Variants in ZNF652 observed in about 807,000 individuals in gnomAD.
ZNF652 encodes zinc finger protein 652.
A neutral mutation model predicts 45.2 loss-of-function variants in ZNF652; 16 were observed. The ratio of observed to expected loss-of-function variants is 0.35; its 90% CI spans 0.24 to 0.54. ZNF652 has a LOEUF of 0.54. Among genes scored for constraint, ZNF652 ranks in the 20% least tolerant of loss-of-function variants. ZNF652 has a pLI of 0.91. For missense variants in ZNF652, 614 were observed against 765.6 expected (o/e 0.80, Z 2.34); for synonymous variants, 250 against 260.6 (o/e 0.96, Z 0.39).
intron 1 of ZNF652, among the ~76,000 whole-genome samples, chr17:49,356,997 T>TTA (rs367545146): frequency 7.2e-6 from 1 of 138,710 alleles, no homozygotes; most frequent in Non-Finnish European, 1.6e-5. Flanking sequence ...AACTATGTTT[T>TTA]AAAAAAAAAA....
intron 2 of ZNF652, 123 bp from the exon 3 acceptor site, chr17:49,312,968 T>C (rs2069738248): frequency 3.3e-6 from 3 of 906,154 alleles, no homozygotes; most frequent in Middle Eastern, 2.3e-4. Context: ...ATAAGTGCTA[T>C]TCTTCCACAG....
At chr17:49,304,357 C>G (rs1364885603) in intron 5 of ZNF652, among the ~76,000 whole-genome samples, 1 of 152,016 alleles carries the variant, frequency 6.6e-6, no homozygotes, top group African/African-American at 2.4e-5. Context: ...TTTGTTGTTC[C>G]AGACCTTCAC....
intron 1 of ZNF652, among the ~76,000 whole-genome samples, chr17:49,354,192 A>T (rs1457314649): frequency 3.9e-5 from 6 of 152,130 alleles, no homozygotes; most frequent in Non-Finnish European, 4.4e-5. Flanking sequence ...ATAGTTTCTT[A>T]TTATATTATA....
At position 49,292,840 on chromosome 17, in the gene ZNF652, CAG is replaced by C. The variant is rs2069421752; in HGVS notation, c.*5571_*5572del. The stretch of plus-strand genomic sequence containing the variant: ...CTAAAAATGACATGGAGGAACAAAA[CAG>C]AAATACGGTCAAAATTCTTGTCCAA... On this transcript the variant is annotated 3_prime_UTR_variant, in exon 6 of 6. Transcript: ENST00000430262. 6.6e-6 allele frequency among the ~76,000 whole-genome samples: 1 copy of C among 152,022 alleles called. No individual in the cohort carries two copies. The highest frequency in any genetic ancestry group is 2.4e-5 in the African/African-American group (1 of 41,416).
intron 2 of ZNF652, among the ~76,000 whole-genome samples, chr17:49,315,950 C>T (rs2069798035): frequency 6.6e-6 from 1 of 152,164 alleles, no homozygotes; most frequent in Admixed American, 6.5e-5. Flanking sequence ...CACCAAAAAA[C>T]AAACCAAACC....
intron 1 of ZNF652, among the ~76,000 whole-genome samples, chr17:49,322,172 T>C (rs1045099938): frequency 6.6e-6 from 1 of 152,230 alleles, no homozygotes; most frequent in African/African-American, 2.4e-5. Flanking sequence ...TCTGCTACAA[T>C]GCATATTTCT....
chr17:49,326,102 AG>A (rs1281298430), intron 1 of ZNF652, among the ~76,000 whole-genome samples: 1 of 152,104 alleles, frequency 6.6e-6, no homozygotes, highest in African/African-American at 2.4e-5. Context: ...GGACCAATAA[AG>A]CAGAGCTATG....
At chr17:49,299,823 G>C (rs1455319884) in intron 5 of ZNF652, among the ~76,000 whole-genome samples, 1 of 151,362 alleles carries the variant, frequency 6.6e-6, no homozygotes, top group East Asian at 1.9e-4. Context: ...ACTACTACAG[G>C]TGCCAGCTAC....
intron 1 of ZNF652, among the ~76,000 whole-genome samples, chr17:49,351,014 T>TATATACATACAC (rs2070273379): frequency 3.4e-5 from 1 of 29,732 alleles, no homozygotes; most frequent in Non-Finnish European, 7.5e-5. Context: ...TATATATATA[T>TATATACATACAC]ACACACACAC....
chr17:49,361,699 C>T (rs745373775), intron 1 of ZNF652, among the ~76,000 whole-genome samples: 18 of 152,142 alleles, frequency 1.2e-4, no homozygotes, highest in Non-Finnish European at 1.8e-4. Flanking sequence ...GCGGGGCGCC[C>T]CCAGCCCAAG....
chr17:49,355,844 G>C (rs1183802502), intron 1 of ZNF652, among the ~76,000 whole-genome samples: 1 of 152,022 alleles, frequency 6.6e-6, no homozygotes, highest in Non-Finnish European at 1.5e-5. Flanking sequence ...GTTGCAGTGA[G>C]CCGAGATTGC....
At chr17:49,307,003 T>C (rs2069638257) in intron 5 of ZNF652, among the ~76,000 whole-genome samples, 1 of 151,806 alleles carries the variant, frequency 6.6e-6, no homozygotes, top group Non-Finnish European at 1.5e-5. Flanking sequence ...TCCACCCACC[T>C]TGGCCTCCCG....
At chr17:49,348,519 GAAA>G (rs1444636619) in intron 1 of ZNF652, among the ~76,000 whole-genome samples, 1 of 148,296 alleles carries the variant, frequency 6.7e-6, no homozygotes, top group African/African-American at 2.5e-5. Context: ...GAAAAGAAAA[GAAA>G]AGAAAAGAAA....
chr17:49,292,037 T>G lies in ZNF652; in HGVS notation c.*6376A>C, dbSNP rs1410021150. ...GGAGAATGTATTAACAGCTGCCTTC[T>G]TAGATACCCACCTTGTGTGGTTATT... On this transcript the variant is annotated 3_prime_UTR_variant, in exon 6 of 6. Transcript: ENST00000430262. Among the ~76,000 whole-genome samples, 2 of 152,120 alleles carry G rather than the reference T, an allele frequency of 1.3e-5. No homozygotes were observed. The highest frequency in any genetic ancestry group is 2.9e-5 in the Non-Finnish European group (2 of 68,014).
chr17:49,312,708 T>C lies in ZNF652; in HGVS notation c.1038A>G (p.Lys346=). ...AGCAGAAAAACTTACCAACCATGTG[T>C]TTCCGCACATGAGCCATGGTATAGA... ...KKFYTMAHVR[K]HMVAHTKDMP... The change falls in exon 3 of 6, where the codon AAA becomes AAG. Residue 346 remains lysine (K), a synonymous_variant. Transcript: ENST00000430262. The C allele has an allele frequency of 6.2e-7, 1 of 1,613,274 alleles. No individual in the cohort carries two copies. The highest frequency in any genetic ancestry group is 2.2e-5 in the East Asian group (1 of 44,870).
At chr17:49,307,939 G>C (rs1314559448) in intron 5 of ZNF652, among the ~76,000 whole-genome samples, 1 of 152,076 alleles carries the variant, frequency 6.6e-6, no homozygotes, top group Non-Finnish European at 1.5e-5. Flanking sequence ...ACATAATACA[G>C]TAAAATTAAA....
At chr17:49,314,639 A>C (rs2069772813) in intron 2 of ZNF652, among the ~76,000 whole-genome samples, 1 of 152,210 alleles carries the variant, frequency 6.6e-6, no homozygotes, top group African/African-American at 2.4e-5. Flanking sequence ...TATTAGGCAT[A>C]ATGTGTATCA....
intron 1 of ZNF652, among the ~76,000 whole-genome samples, chr17:49,358,343 AAC>A (rs1225356842): frequency 6.6e-6 from 1 of 152,232 alleles, no homozygotes; most frequent in Non-Finnish European, 1.5e-5. Flanking sequence ...AAATGATGAC[AAC>A]ACCTGAGAAA....
intron 5 of ZNF652, among the ~76,000 whole-genome samples, chr17:49,299,253 G>C (rs1329625096): frequency 6.6e-6 from 1 of 152,134 alleles, no homozygotes; most frequent in African/African-American, 2.4e-5. Flanking sequence ...GGGGGAGAAG[G>C]CATCTACATT....
Sources: gnomAD v4.1 joint callset for allele counts (sites outside exome capture counted in the v4.1 genomes callset) on GRCh38, gnomAD v4.1.1 for gene constraint, MANE v1.5 for transcripts, NCBI Gene and HGNC (gene_info 2026-07-23, HGNC 2026-07-21) for gene names.